The following NOSIP variants were observed in gnomAD, a reference collection of about 807,000 sequenced individuals.
The protein encoded by NOSIP is nitric oxide synthase interacting protein.
NOSIP carries 25 observed loss-of-function variants against 36.4 expected under a neutral mutation model. The observed-to-expected ratio is 0.69, with a 90% CI of 0.50 to 0.96. The LOEUF is 0.96. NOSIP is among the 40% of genes least tolerant of loss of function. NOSIP has a pLI of 0.00. For missense variants in NOSIP, 370 were observed against 429.0 expected (o/e 0.86, Z 1.21); for synonymous variants, 187 against 179.2 (o/e 1.04, Z -0.35).
At position 49,560,715 on chromosome 19, in the gene NOSIP, A is replaced by G. The variant is rs1361533427; in HGVS notation, c.-1-23T>C. ...ATCCTAGGGAGGAAGGGACAGTGGCAGGACTGTGGTTACCGGAGGCAGGCA... is the reference window on the plus strand; with the variant it reads ...ATCCTAGGGAGGAAGGGACAGTGGCGGGACTGTGGTTACCGGAGGCAGGCA... On this transcript the variant is annotated intron_variant, in intron 1 of 8. Transcript: ENST00000596358. This position sits in a 1 kb window ranked among gnomAD's most constrained non-coding sequence, Gnocchi z 4.6. The G allele has an allele frequency of 6.4e-7, 1 of 1,562,196 alleles. No homozygotes were observed. Among genetic ancestry groups the G allele is most frequent in the Non-Finnish European group, 8.7e-7 (1 of 1,148,846 alleles).
At position 49,560,675 on chromosome 19, in the gene NOSIP, T is replaced by C. The variant is rs778892261; in HGVS notation, c.17A>G (p.Lys6Arg). 6.3e-7 allele frequency: 1 copy of C among 1,595,268 alleles called. No homozygotes were observed. The highest frequency in any genetic ancestry group is 8.5e-7 in the Non-Finnish European group (1 of 1,170,526). MTRHG[K>R]NCTAGAVYTY... ...GTAGACGGCCCCTGCGGTGCAGTTC[T>C]TGCCATGCCGCGTCATCCTAGGGAG... Residue 6 changes from lysine to arginine, a missense_variant, in exon 2 of 9, where the codon AAG becomes AGG. Transcript: ENST00000596358. This position sits in a 1 kb window ranked among gnomAD's most constrained non-coding sequence, Gnocchi z 4.6.
At chr19:49,558,835 C>T in intron 4 of NOSIP, 62 bp downstream of exon 4, 2 of 1,341,488 alleles carry the variant, frequency 1.5e-6, no homozygotes, top group Non-Finnish European at 2.1e-6. Context: ...AGTGGCTCTG[C>T]CTGTGAGCTC....
Position 49,560,953 on chromosome 19 carries a change from G to C in NOSIP, c.-1-261C>G, listed in dbSNP as rs1042534679. Among the ~76,000 whole-genome samples, 22 of 152,162 alleles carry C rather than the reference G, an allele frequency of 1.4e-4. No individual in the cohort carries two copies. Among genetic ancestry groups the C allele is most frequent in the Non-Finnish European group, 2.8e-4 (19 of 68,030 alleles). ...TCTTTGTTTGGAGGTAAGAGGGTGA[G>C]AGACCAGAGTTCAAATTCTAGCCAC... is the stretch of plus-strand genomic sequence containing the variant. On this transcript the variant is annotated intron_variant, in intron 1 of 8. Transcript: ENST00000596358. This position sits in a 1 kb window ranked among gnomAD's most constrained non-coding sequence, Gnocchi z 4.6.
At chr19:49,572,984 A>AC (rs2080506025) in intron 1 of NOSIP, among the ~76,000 whole-genome samples, 1 of 151,878 alleles carries the variant, frequency 6.6e-6, no homozygotes, top group East Asian at 1.9e-4. Context: ...AAAAAAAAAA[A>AC]AAAAAAAAAG....
chr19:49,575,061 C>T (rs2122188207), intron 1 of NOSIP, among the ~76,000 whole-genome samples: 1 of 152,218 alleles, frequency 6.6e-6, no homozygotes, highest in Non-Finnish European at 1.5e-5. Flanking sequence ...GAGGGGGTTT[C>T]ACCACGTTAG....
In NOSIP at chr19:49,555,595, C is replaced by T; in HGVS notation, c.*156G>A. ...TTAATGTGAGACCACATTCAATATGCTTAGCCCGCTCTTTCAAACTCCAGC... is the reference window on the plus strand; with the variant it reads ...TTAATGTGAGACCACATTCAATATGTTTAGCCCGCTCTTTCAAACTCCAGC... On this transcript the variant is annotated 3_prime_UTR_variant, in exon 9 of 9. Transcript: ENST00000596358. The T allele has an allele frequency of 1.6e-6, 1 of 626,796 alleles. No individual in the cohort carries two copies. Among genetic ancestry groups the T allele is most frequent in the Non-Finnish European group, 2.9e-6 (1 of 347,828 alleles). The allele number at this position is 626,796 out of a possible 1,614,324, so 38.8% of individuals were successfully genotyped here. A position where few individuals can be genotyped will look rare whatever the true frequency, so the allele number is the denominator to read the frequency against.
At chr19:49,564,718 C>G (rs150709250) in intron 1 of NOSIP, among the ~76,000 whole-genome samples, 2 of 152,102 alleles carry the variant, frequency 1.3e-5, no homozygotes, top group Non-Finnish European at 2.9e-5. Context: ...CACCTGTTTA[C>G]AAGACACATA....
chr19:49,559,470 A>T, intron 3 of NOSIP: 1 of 186,382 alleles, frequency 5.4e-6, no homozygotes, highest in South Asian at 9.0e-5. Context: ...AGATGTCCCC[A>T]TTGCACTCCA....
Position 49,555,603 on chromosome 19 carries a change from G to T in NOSIP, c.*148C>A. ...AGACCACATTCAATATGCTTAGCCC[G>T]CTCTTTCAAACTCCAGCGTGCGCTG... On this transcript the variant is annotated 3_prime_UTR_variant, in exon 9 of 9. Coordinates refer to ENST00000596358, the MANE Select transcript of NOSIP (RefSeq NM_001270960.2). The T allele has an allele frequency of 1.6e-6, 1 of 638,962 alleles. No individual in the cohort carries two copies. The allele number at this position is 638,962 out of a possible 1,614,324, so 39.6% of individuals were successfully genotyped here. A position where few individuals can be genotyped will look rare whatever the true frequency, so the allele number is the denominator to read the frequency against.
At chr19:49,568,111 G>A (rs1011953110) in intron 1 of NOSIP, among the ~76,000 whole-genome samples, 7 of 152,136 alleles carry the variant, frequency 4.6e-5, no homozygotes, top group Non-Finnish European at 5.9e-5. Flanking sequence ...CACAATCCTC[G>A]TAAACTTTGT....
chr19:49,564,842 C>T (rs1006201059), intron 1 of NOSIP, among the ~76,000 whole-genome samples: 14 of 152,172 alleles, frequency 9.2e-5, no homozygotes, highest in African/African-American at 3.4e-4. Flanking sequence ...CAATGAGACA[C>T]AACAGCCTAC....
At chr19:49,569,800 C>T (rs1218528864) in intron 1 of NOSIP, among the ~76,000 whole-genome samples, 1 of 151,048 alleles carries the variant, frequency 6.6e-6, no homozygotes, top group African/African-American at 2.4e-5. Context: ...AAGAGTGAGA[C>T]TTTGTCTCAA....
chr19:49,556,240 G>A (rs1409113016), intron 8 of NOSIP, 77 bp downstream of exon 8: 2 of 678,288 alleles, frequency 2.9e-6, no homozygotes, highest in Non-Finnish European at 4.7e-6. Context: ...AAGGGGAGGG[G>A]ACGAAGCCTT....
At chr19:49,564,711 C>G (rs1336119784) in intron 1 of NOSIP, among the ~76,000 whole-genome samples, 9 of 152,212 alleles carry the variant, frequency 5.9e-5, no homozygotes, top group Middle Eastern at 3.4e-3. Flanking sequence ...AAGGGTACAC[C>G]TGTTTACAAG....
Position 49,556,734 on chromosome 19 carries a change from G to T in NOSIP, c.540C>A (p.Ser180=). The change falls in exon 7 of 9, where the codon TCC becomes TCA. Residue 180 remains serine (S), a splice_region_variant and synonymous_variant. Transcript: ENST00000596358. The stretch of plus-strand genomic sequence containing the variant: ...CTGACATGGGGCAGGTCACCGTGCG[G>T]GACTGCAAGGGGCAGAGAGAGGCGG... ...EAKATKLEKP[S]RTVTCPMSGK... is the part of the protein sequence containing the mutation. 6.2e-7 allele frequency: 1 copy of T among 1,605,594 alleles called. No individual in the cohort carries two copies. The highest frequency in any genetic ancestry group is 1.1e-5 in the South Asian group (1 of 90,450).
intron 1 of NOSIP, among the ~76,000 whole-genome samples, chr19:49,567,917 A>AT (rs1223497273): frequency 1.3e-5 from 2 of 152,032 alleles, no homozygotes; most frequent in Non-Finnish European, 2.9e-5. Context: ...ACCTCAGGTA[A>AT]TCTGGCCACC....
Position 49,556,398 on chromosome 19 carries a change from C to T in NOSIP, c.753G>A (p.Val251=). 6.2e-7 allele frequency: 1 copy of T among 1,613,810 alleles called. No homozygotes were observed. The highest frequency in any genetic ancestry group is 8.5e-7 in the Non-Finnish European group (1 of 1,179,914). ...PSGAVVTLEC[V]EKLIRKDMVD... ...CCATGTCCTTCCGAATCAGCTTCTC[C>T]ACGCATTCGAGGGTGACCACAGCCC... The change falls in exon 8 of 9, where the codon GTG becomes GTA. Residue 251 remains valine (V), a synonymous_variant. Transcript: ENST00000596358.
chr19:49,558,680 G>GAA (rs1568723708), intron 4 of NOSIP: 2 of 611,698 alleles, frequency 3.3e-6, no homozygotes, highest in Non-Finnish European at 5.9e-6. Flanking sequence ...AGTGCTAAGA[G>GAA]AAGAGGTGAC....
At position 49,556,875 on chromosome 19, in the gene NOSIP, C is replaced by A; in HGVS notation, c.537G>T (p.Pro179=). The A allele has an allele frequency of 6.2e-7, 1 of 1,612,176 alleles. No homozygotes were observed. The highest frequency in any genetic ancestry group is 8.5e-7 in the Non-Finnish European group (1 of 1,178,820). The change falls in exon 6 of 9, where the codon CCG becomes CCT. Residue 179 remains proline (P), a splice_region_variant and synonymous_variant. Coordinates refer to ENST00000596358, the MANE Select transcript of NOSIP (RefSeq NM_001270960.2). The stretch of plus-strand genomic sequence containing the variant: ...GTGCCGGGGCGCTGTGGGGGCTCAC[C>A]GGCTTCTCCAGCTTGGTGGCCTTGG... The part of the protein sequence containing the change: ...PEAKATKLEK[P]SRTVTCPMSG...
Sources: allele counts gnomAD v4.1 joint callset (sites outside exome capture counted in the v4.1 genomes callset), GRCh38; gene constraint gnomAD v4.1.1; non-coding constraint Gnocchi (gnomAD v3.1); transcripts MANE v1.5; gene names NCBI Gene and HGNC (gene_info 2026-07-23, HGNC 2026-07-21).